NPC1: variants seen among roughly 807,000 people sequenced by gnomAD.
NPC1 encodes Niemann-Pick C1 protein.
A neutral mutation model predicts 140.4 loss-of-function variants in NPC1; 85 were observed. The ratio of observed to expected loss-of-function variants is 0.61; its 90% CI spans 0.51 to 0.72. The LOEUF (loss-of-function observed/expected upper bound fraction) is 0.72. Among genes scored for constraint, NPC1 ranks in the 30% least tolerant of loss-of-function variants. The pLI is 0.00. For missense variants in NPC1, 1,504 were observed against 1,623.8 expected (o/e 0.93, Z 1.27); for synonymous variants, 656 against 624.8 (o/e 1.05, Z -0.74).
chr18:23,555,440 T>C (rs2058936226), intron 8 of NPC1, among the ~76,000 whole-genome samples: 1 of 152,250 alleles, frequency 6.6e-6, no homozygotes, highest in Non-Finnish European at 1.5e-5. Flanking sequence ...TGGAGGTAAA[T>C]GACTATGCTG....
Position 23,545,060 on chromosome 18 carries a change from T to C in NPC1, c.1847A>G (p.Glu616Gly). The C allele has an allele frequency of 6.2e-7, 1 of 1,611,962 alleles. No individual in the cohort carries two copies. Among genetic ancestry groups the C allele is most frequent in the Non-Finnish European group, 8.5e-7 (1 of 1,178,428 alleles). The change falls in exon 12 of 25, where the codon GAA (glutamate) becomes GGA (glycine). Residue 616 changes from glutamate to glycine, a missense_variant. Glu to Gly is a moderately conservative substitution (Grantham distance 98). Coordinates refer to ENST00000269228, the MANE Select transcript of NPC1 (RefSeq NM_000271.5). ...ERSIEDELNR[E>G]SDSDVFTVVI... ...AACGGTGAAGACATCACTGTCACTT[T>C]CACGATTTAGTTCATCTTCAATACT...
chr18:23,533,459 T>C lies in NPC1; in HGVS notation c.3650A>G (p.Lys1217Arg). ...GTAGAATATCTGGAAAATTTGAGAT[T>C]TGGCAAAAGCCAACACCACAATCCC... ...FGGIVVLAFA[K>R]SQIFQIFYFR... Residue 1217 changes from lysine to arginine, a missense_variant, in exon 24 of 25, where the codon AAA (lysine) becomes AGA (arginine). Coordinates refer to ENST00000269228, the MANE Select transcript of NPC1 (RefSeq NM_000271.5). 6.2e-7 allele frequency: 1 copy of C among 1,614,228 alleles called. No individual in the cohort carries two copies. Among genetic ancestry groups the C allele is most frequent in the Non-Finnish European group, 8.5e-7 (1 of 1,180,016 alleles).
intron 12 of NPC1, among the ~76,000 whole-genome samples, chr18:23,544,727 G>A (rs1464150277): frequency 1.3e-5 from 2 of 152,104 alleles, no homozygotes; most frequent in Non-Finnish European, 2.9e-5. Context: ...CTTAGGTGAT[G>A]GACTGGACAA....
chr18:23,534,842 C>G (rs771725214), intron 22 of NPC1, among the ~76,000 whole-genome samples: 27 of 152,244 alleles, frequency 1.8e-4, no homozygotes, highest in Non-Finnish European at 3.7e-4. Flanking sequence ...CCGCACCGAG[C>G]TGGCGCATTG....
chr18:23,520,320 C>G, downstream of NPC1: 1 of 1,605,668 alleles, frequency 6.2e-7, no homozygotes, highest in Non-Finnish European at 8.5e-7. Flanking sequence ...ACAGGTAACA[C>G]GGGTTCTGTA....
chr18:23,551,770 C>G, intron 9 of NPC1, 43 bp from the exon 10 acceptor site: 2 of 1,314,102 alleles, frequency 1.5e-6, no homozygotes, highest in South Asian at 2.4e-5. Flanking sequence ...AGAAGGGCCT[C>G]AAGACATCAG....
chr18:23,578,470 T>C (rs1382118370), intron 1 of NPC1, among the ~76,000 whole-genome samples: 1 of 152,220 alleles, frequency 6.6e-6, no homozygotes, highest in Non-Finnish European at 1.5e-5. Flanking sequence ...AGCTGCACAA[T>C]GGGAGCTGCT....
In NPC1 at chr18:23,532,925, G is replaced by A. The variant is rs1466486629; in HGVS notation, c.3754+430C>T. The A allele has an allele frequency of 2.8e-5, 28 of 985,194 alleles. No individual in the cohort carries two copies. In the East Asian group the frequency reaches 4.5e-4, roughly 16 times the overall value. 61.0% of individuals were successfully genotyped at this position (985,194 alleles called of 1,614,324 possible). A position where few individuals can be genotyped will look rare whatever the true frequency, so the allele number is the denominator to read the frequency against. Reference sequence around the variant, plus strand: ...AAGTAAAAGGATCAAGGACAGTCTCGAGATGAAGAAAGGCAGCAAGCACTT... The same window carrying A: ...AAGTAAAAGGATCAAGGACAGTCTCAAGATGAAGAAAGGCAGCAAGCACTT... On this transcript the variant is annotated intron_variant, in intron 24 of 24. Coordinates refer to ENST00000269228, the MANE Select transcript of NPC1 (RefSeq NM_000271.5).
chr18:23,544,390 A>G lies in NPC1; in HGVS notation c.2084T>C (p.Leu695Pro). 6.2e-7 allele frequency: 1 copy of G among 1,614,228 alleles called. No individual in the cohort carries two copies. Among genetic ancestry groups the G allele is most frequent in the South Asian group, 1.1e-5 (1 of 91,086 alleles). ...GAAGATGTTGTCCACTCCAACAGCC[A>G]GCACCAGGAACGGGATGACTTCAAT... ...IVIEVIPFLV[L>P]AVGVDNIFIL... Residue 695 changes from leucine (L) to proline (P), a missense_variant, in exon 13 of 25, where the codon CTG becomes CCG. Leu to Pro is a moderately conservative substitution (Grantham distance 98). Coordinates refer to ENST00000269228, the MANE Select transcript of NPC1 (RefSeq NM_000271.5).
At chr18:23,524,941 CTTT>C (rs5823396), downstream of NPC1, among the ~76,000 whole-genome samples, 72 of 69,202 alleles carry the variant, frequency 1.0e-3, no homozygotes, top group African/African-American at 4.0e-3. Flanking sequence ...TTAGAGAAAT[CTTT>C]TTTTTTTTTT....
intron 20 of NPC1, 104 bp from the exon 21 acceptor site, chr18:23,536,980 G>T: frequency 1.2e-6 from 1 of 855,302 alleles, no homozygotes; most frequent in Non-Finnish European, 1.9e-6. Flanking sequence ...TGGACTCAGA[G>T]GTCAGACCCA....
intron 3 of NPC1, chr18:23,515,819 T>G: frequency 6.2e-7 from 1 of 1,612,464 alleles, no homozygotes; most frequent in Non-Finnish European, 8.5e-7. Flanking sequence ...TTTGCCGTTT[T>G]TTAAATGAAG....
At chr18:23,516,500 C>T in intron 3 of NPC1, 1 of 1,462,186 alleles carries the variant, frequency 6.8e-7, no homozygotes, top group Non-Finnish European at 9.5e-7. Flanking sequence ...GTGTTACAAG[C>T]ACCACGTGAT....
intron 3 of NPC1, among the ~76,000 whole-genome samples, chr18:23,515,361 C>T (rs1236777276): frequency 1.3e-5 from 2 of 152,078 alleles, no homozygotes; most frequent in African/African-American, 4.8e-5. Context: ...GCCTCTCAGT[C>T]GTGGCAAAGA....
intron 3 of NPC1, among the ~76,000 whole-genome samples, chr18:23,515,694 G>A (rs1261850817): frequency 6.6e-6 from 1 of 152,082 alleles, no homozygotes; most frequent in Non-Finnish European, 1.5e-5. Flanking sequence ...CACCACGCCT[G>A]GCTAATTTTT....
downstream of NPC1, chr18:23,524,316 C>A: frequency 1.3e-6 from 2 of 1,482,986 alleles, no homozygotes; most frequent in Non-Finnish European, 1.9e-6. Context: ...TGTCCAGGGG[C>A]CTCGCGTTTA....
chr18:23,573,548 A>C lies in NPC1; in HGVS notation c.84T>G (p.Tyr28Ter). The C allele has an allele frequency of 6.2e-7, 1 of 1,614,142 alleles. No homozygotes were observed. Among genetic ancestry groups the C allele is most frequent in the South Asian group, 1.1e-5 (1 of 91,082 alleles). Residue 28 changes from tyrosine to a stop codon, truncating the protein, a stop_gained, in exon 2 of 25, where the codon TAT (tyrosine) becomes TAG (stop). Coordinates refer to ENST00000269228, the MANE Select transcript of NPC1 (RefSeq NM_000271.5). LOFTEE classifies it high-confidence loss of function. ...AQVFSQSCVW[Y>*]GECGIAYGDK... Reference sequence around the variant, plus strand: ...CCCCATATGCAATTCCACACTCTCCATACCAAACACAGGACTGTGAAAACA... The same window carrying C: ...CCCCATATGCAATTCCACACTCTCCCTACCAAACACAGGACTGTGAAAACA...
Position 23,579,816 on chromosome 18 carries a change from C to T in NPC1, c.58-6242G>A, listed in dbSNP as rs543787548. 4.3e-4 allele frequency among the ~76,000 whole-genome samples: 65 copies of T among 151,272 alleles called. No homozygotes were observed. The South Asian group carries it at 0.011, about 26-fold the overall frequency. ...AGGAGAATGGCGTGAACCCGGGAGG[C>T]GGAGGTTGCAGTAAGCTGAGATCGC... On this transcript the variant is annotated intron_variant, in intron 1 of 24. Coordinates refer to ENST00000269228, the MANE Select transcript of NPC1 (RefSeq NM_000271.5).
chr18:23,550,479 C>CTTTTTTTTTGTTTTTTT (rs2058854159), intron 10 of NPC1, among the ~76,000 whole-genome samples: 1 of 74,922 alleles, frequency 1.3e-5, no homozygotes, highest in Non-Finnish European at 2.2e-5. Context: ...TCTTACATTT[C>CTTTTTTTTTGTTTTTTT]TTTTTTTTTT....
Sources: allele counts gnomAD v4.1 joint callset (sites outside exome capture counted in the v4.1 genomes callset), GRCh38; gene constraint gnomAD v4.1.1; transcripts MANE v1.5; gene names NCBI Gene and HGNC (gene_info 2026-07-23, HGNC 2026-07-21).